Variants in WEE2 observed in about 807,000 individuals in gnomAD.
WEE2 encodes the protein wee1-like protein kinase 2.
Under a neutral mutation model 60.1 loss-of-function variants are expected in WEE2, and 50 were observed. The ratio of observed to expected loss-of-function variants is 0.83; its 90% CI spans 0.66 to 1.05. The LOEUF (loss-of-function observed/expected upper bound fraction) is 1.05. WEE2 is among the 50% of genes least tolerant of loss of function. The probability of loss-of-function intolerance (pLI) is 0.00; values close to 1 mark genes in which losing one functional copy is unlikely to be tolerated. For synonymous variants in WEE2, 240 were observed against 241.0 expected (o/e 1.00, Z 0.04); for missense variants, 631 against 684.3 (o/e 0.92, Z 0.87).
rs1798656040 is a variant in WEE2 at position 141,708,521 on chromosome 7, T to C, written c.-238T>C. The C allele has an allele frequency of 1.8e-6, 1 of 553,818 alleles. No individual in the cohort carries two copies. The allele number at this position is 553,818 out of a possible 1,614,324, so 34.3% of individuals were successfully genotyped here. On this transcript the variant is annotated 5_prime_UTR_variant, in exon 1 of 12. Transcript: ENST00000397541. ...GAACTGCATTTAATTGCTCCGAGAGTCACTGGAGCTTTCTTTAATCAGAAT... is the reference window on the plus strand; with the variant it reads ...GAACTGCATTTAATTGCTCCGAGAGCCACTGGAGCTTTCTTTAATCAGAAT...
rs777172876 is a variant in WEE2 at position 141,720,991 on chromosome 7, T to C, written c.815T>C (p.Val272Ala). The stretch of plus-strand genomic sequence containing the variant: ...GCAGTGCTTGGGCATCACCCCCATG[T>C]GGTACGTTACTATTCCTCATGGGCA... Reference protein sequence around the residue: ...AHAVLGHHPHVVRYYSSWAED... With the variant: ...AHAVLGHHPHAVRYYSSWAED... The change falls in exon 5 of 12, where the codon GTG becomes GCG. Residue 272 changes from valine to alanine, a missense_variant. Physicochemically the swap from Val to Ala is moderately conservative, Grantham distance 64. Transcript: ENST00000397541. 2 of 1,614,074 alleles carry C rather than the reference T, an allele frequency of 1.2e-6. No homozygotes were observed. The highest frequency in any genetic ancestry group is 1.7e-6 in the Non-Finnish European group (2 of 1,179,896).
intron 4 of WEE2, 134 bp from the exon 5 acceptor site, chr7:141,720,800 TA>T: frequency 1.0e-6 from 1 of 978,520 alleles, no homozygotes; most frequent in Non-Finnish European, 1.5e-6. Flanking sequence ...TTCAATGAGA[TA>T]AAATAGTAAG....
chr7:141,721,051 GCA>G lies in WEE2; in HGVS notation c.876_877del (p.Cys292Ter). 1 of 1,614,144 alleles carries G rather than the reference GCA, an allele frequency of 6.2e-7. No individual in the cohort carries two copies. Among genetic ancestry groups the G allele is most frequent in the Non-Finnish European group, 8.5e-7 (1 of 1,180,016 alleles). On this transcript the variant is annotated stop_gained and frameshift_variant, in exon 5 of 12. Coordinates refer to ENST00000397541, the MANE Select transcript of WEE2 (RefSeq NM_001105558.1). LOFTEE classifies it high-confidence loss of function. Reference sequence around the variant, plus strand: ...CACATGATCATTCAGAATGAATACTGCAATGGTAAGTAGTATATAGATGAATA... The same window carrying G: ...CACATGATCATTCAGAATGAATACTGATGGTAAGTAGTATATAGATGAATA...
At position 141,720,977 on chromosome 7, in the gene WEE2, G is replaced by A. The variant is rs1486110574; in HGVS notation, c.801G>A (p.Gly267=). The change falls in exon 5 of 12, where the codon GGG becomes GGA. Residue 267 remains glycine (G), a synonymous_variant. Coordinates refer to ENST00000397541, the MANE Select transcript of WEE2 (RefSeq NM_001105558.1). The part of the protein sequence containing the change: ...LHEVYAHAVL[G]HHPHVVRYYS... The stretch of plus-strand genomic sequence containing the variant: ...AAGTTTATGCTCACGCAGTGCTTGG[G>A]CATCACCCCCATGTGGTACGTTACT... 1.2e-6 allele frequency: 2 copies of A among 1,614,156 alleles called. No homozygotes were observed. Among genetic ancestry groups the A allele is most frequent in the East Asian group, 4.5e-5 (2 of 44,888 alleles).
rs759889803 is a variant in WEE2 at position 141,730,368 on chromosome 7, T to C, written c.*48T>C. On this transcript the variant is annotated 3_prime_UTR_variant, in exon 12 of 12. Transcript: ENST00000397541. ...TTGGTTTGGCCTATGGATTACGAGG[T>C]TGCTGTTGCTGATTCCCCACCAAAG... 1 of 1,561,376 alleles carries C rather than the reference T, an allele frequency of 6.4e-7. No individual in the cohort carries two copies. The highest frequency in any genetic ancestry group is 8.8e-7 in the Non-Finnish European group (1 of 1,135,636).
intron 2 of WEE2, among the ~76,000 whole-genome samples, chr7:141,714,640 C>T (rs1798767270): frequency 6.6e-6 from 1 of 152,264 alleles, no homozygotes; most frequent in East Asian, 1.9e-4. Context: ...AAGGATAAGA[C>T]AGAATAAGCA....
intron 5 of WEE2, among the ~76,000 whole-genome samples, chr7:141,722,528 C>T (rs1453284961): frequency 6.6e-6 from 1 of 152,168 alleles, no homozygotes; most frequent in Non-Finnish European, 1.5e-5. Context: ...TGTACAAATA[C>T]TGTGGCTCAA....
At chr7:141,729,508 G>A (rs1799086489) in intron 10 of WEE2, 23 bp from the exon 11 acceptor site, 2 of 1,614,152 alleles carry the variant, frequency 1.2e-6, no homozygotes, top group African/African-American at 2.7e-5. Flanking sequence ...AGTAGCCTTT[G>A]CTTTTTCTCC....
intron 1 of WEE2, 104 bp from the exon 2 acceptor site, chr7:141,714,105 C>A: frequency 1.1e-6 from 1 of 948,458 alleles, no homozygotes; most frequent in Non-Finnish European, 1.6e-6. Flanking sequence ...ATTTCTAAGG[C>A]CCCTTCAGCA....
At chr7:141,728,950 A>G (rs952650385) in intron 10 of WEE2, among the ~76,000 whole-genome samples, 3 of 152,184 alleles carry the variant, frequency 2.0e-5, no homozygotes, top group Non-Finnish European at 4.4e-5. Context: ...CTCCCCACCC[A>G]TGGAAAAACT....
Position 141,729,403 on chromosome 7 carries a change from A to T in WEE2, c.1536-128A>T, listed in dbSNP as rs1799082988. 3.1e-6 allele frequency: 4 copies of T among 1,296,270 alleles called. No homozygotes were observed. In the East Asian group the frequency reaches 6.9e-5, roughly 22 times the overall value. 80.3% of individuals were successfully genotyped at this position (1,296,270 alleles called of 1,614,324 possible). A position where few individuals can be genotyped will look rare whatever the true frequency, so the allele number is the denominator to read the frequency against. On this transcript the variant is annotated intron_variant, in intron 10 of 11. Coordinates refer to ENST00000397541, the MANE Select transcript of WEE2 (RefSeq NM_001105558.1). ...ATAGTAACTGAATTTTCTATTCTGT[A>T]CATAGCTCAGGCTTTTCGTTTCTGT... is the stretch of plus-strand genomic sequence containing the variant.
chr7:141,708,856 G>T lies in WEE2; in HGVS notation c.98G>T (p.Ser33Ile), dbSNP rs747758256. The T allele has an allele frequency of 6.2e-7, 1 of 1,614,160 alleles. No homozygotes were observed. Among genetic ancestry groups the T allele is most frequent in the Non-Finnish European group, 8.5e-7 (1 of 1,180,028 alleles). Residue 33 changes from serine to isoleucine, a missense_variant, in exon 1 of 12, where the codon AGC becomes ATC. By Grantham distance (142) the Ser-to-Ile change is moderately radical. Transcript: ENST00000397541. ...GAAGGGCAGAAGAAAGTAGAAGAAA[G>T]CAGGGAGGCTTCGAGCCAAACCCCA... is the stretch of plus-strand genomic sequence containing the variant. The part of the protein sequence containing the change: ...EIEGQKKVEE[S>I]REASSQTPEK...
In WEE2 at chr7:141,719,139, T is replaced by C. The variant is rs1161445870; in HGVS notation, c.653T>C (p.Ile218Thr). 1.2e-6 allele frequency: 2 copies of C among 1,613,994 alleles called. No individual in the cohort carries two copies. Among genetic ancestry groups the C allele is most frequent in the South Asian group, 1.1e-5 (1 of 91,074 alleles). The change falls in exon 4 of 12, where the codon ATT (isoleucine) becomes ACT (threonine). Residue 218 changes from isoleucine (I) to threonine (T), a missense_variant. Transcript: ENST00000397541. ...YEKEFLEVEK[I>T]GVGEFGTVYK... The stretch of plus-strand genomic sequence containing the variant: ...AAAGAATTCTTGGAGGTTGAAAAAA[T>C]TGGGGTTGGCGAATTTGGTACAGTC...
At position 141,708,745 on chromosome 7, in the gene WEE2, G is replaced by A. The variant is rs1205662842; in HGVS notation, c.-14G>A. On this transcript the variant is annotated 5_prime_UTR_variant, in exon 1 of 12. Transcript: ENST00000397541. ...TAGAGCTTTTTGTCTGTGTTGTAAA[G>A]CTCTTTGGCTGAGATGGATGACAAA... 1.2e-6 allele frequency: 2 copies of A among 1,605,776 alleles called. No individual in the cohort carries two copies. Among genetic ancestry groups the A allele is most frequent in the African/African-American group, 2.7e-5 (2 of 74,580 alleles).
At position 141,716,190 on chromosome 7, in the gene WEE2, T is replaced by C. The variant is rs554969571; in HGVS notation, c.540-32T>C. ...GTTCGGCCTCAATAAATATTAATTA[T>C]ATATTGATAAACTTTTTTTTTCTTT... On this transcript the variant is annotated intron_variant, in intron 2 of 11. Coordinates refer to ENST00000397541, the MANE Select transcript of WEE2 (RefSeq NM_001105558.1). 63 of 1,582,096 alleles carry C rather than the reference T, an allele frequency of 4.0e-5. No individual in the cohort carries two copies. In the Middle Eastern group the frequency reaches 1.0e-3, roughly 25 times the overall value.
intron 8 of WEE2, 117 bp downstream of exon 8, chr7:141,724,392 C>A: frequency 1.1e-6 from 1 of 905,064 alleles, no homozygotes; most frequent in Admixed American, 2.6e-5. Flanking sequence ...ACCGCTCTTC[C>A]CATTCAGAAT....
At chr7:141,715,750 C>A (rs1337278941) in intron 2 of WEE2, among the ~76,000 whole-genome samples, 4 of 152,140 alleles carry the variant, frequency 2.6e-5, no homozygotes, top group African/African-American at 9.7e-5. Context: ...GGAGCAAATG[C>A]TTTGGTGTCA....
intron 1 of WEE2, among the ~76,000 whole-genome samples, chr7:141,712,467 A>C (rs1377205344): frequency 3.3e-5 from 5 of 152,100 alleles, no homozygotes; most frequent in Non-Finnish European, 7.4e-5. Flanking sequence ...TCTTTCAATA[A>C]ATTTTCAAAT....
intron 6 of WEE2, 145 bp downstream of exon 6, chr7:141,723,425 A>T (rs950703340): frequency 2.1e-6 from 2 of 959,044 alleles, no homozygotes; most frequent in East Asian, 2.5e-5. Context: ...CTTAAAAAAA[A>T]TCAGTTAAAT....
Sources: gnomAD v4.1 joint callset for allele counts (sites outside exome capture counted in the v4.1 genomes callset) on GRCh38, gnomAD v4.1.1 for gene constraint, MANE v1.5 for transcripts, NCBI Gene and HGNC (gene_info 2026-07-23, HGNC 2026-07-21) for gene names.